Variants in PLXDC2 observed in about 807,000 individuals in gnomAD.
PLXDC2 encodes the protein plexin domain containing 2, also known as plexin domain-containing protein 2.
PLXDC2 carries 40 observed loss-of-function variants against 68.9 expected under a neutral mutation model. The ratio of observed to expected loss-of-function variants is 0.58; its 90% CI spans 0.45 to 0.76. The LOEUF (loss-of-function observed/expected upper bound fraction) is 0.76, where lower values mean the gene tolerates loss of function less well. PLXDC2 is among the 30% of genes least tolerant of loss of function. PLXDC2 has a pLI of 0.00. For missense variants in PLXDC2, 644 were observed against 661.9 expected, an observed-to-expected ratio of 0.97 and a Z score of 0.30; for synonymous variants, 243 against 234.2, an observed-to-expected ratio of 1.04 and a Z score of -0.34.
chr10:20,023,207 A>G (rs1233719342), intron 2 of PLXDC2, among the ~76,000 whole-genome samples: 2 of 151,696 alleles, frequency 1.3e-5, no homozygotes, highest in Non-Finnish European at 2.9e-5. Context: ...AAAAAGAAAT[A>G]AAACATGATA....
chr10:19,841,257 A>G (rs1433921205), intron 1 of PLXDC2, among the ~76,000 whole-genome samples: 4 of 152,150 alleles, frequency 2.6e-5, no homozygotes, highest in African/African-American at 9.7e-5. Flanking sequence ...GCACATTATG[A>G]TTAAAAAATC....
intron 9 of PLXDC2, among the ~76,000 whole-genome samples, chr10:20,179,726 G>C (rs112546677): frequency 0.026 from 3,976 of 152,170 alleles, 71 homozygotes; most frequent in South Asian, 0.075. Flanking sequence ...GTTGGAATCT[G>C]CTTCTACTGT....
chr10:20,168,596 A>T (rs1016264494), intron 7 of PLXDC2, among the ~76,000 whole-genome samples: 1 of 152,166 alleles, frequency 6.6e-6, no homozygotes, highest in African/African-American at 2.4e-5. Context: ...ATGTCTCGAA[A>T]TCACTGTTTT....
chr10:20,106,926 A>T (rs1833498778), intron 4 of PLXDC2, among the ~76,000 whole-genome samples: 1 of 151,462 alleles, frequency 6.6e-6, no homozygotes, highest in Non-Finnish European at 1.5e-5. Context: ...ATAAAGTAAC[A>T]GTAAAAGCTA....
intron 1 of PLXDC2, among the ~76,000 whole-genome samples, chr10:19,917,996 A>G (rs1833399537): frequency 1.3e-5 from 2 of 152,192 alleles, no homozygotes; most frequent in South Asian, 2.1e-4. Context: ...TGAATGAACT[A>G]CTGGAATATT....
chr10:20,244,747 T>A (rs1459562984), intron 12 of PLXDC2, among the ~76,000 whole-genome samples: 1 of 152,188 alleles, frequency 6.6e-6, no homozygotes, highest in Non-Finnish European at 1.5e-5. Context: ...ATTTAGTGTG[T>A]AGTTAATTAG....
chr10:19,974,690 C>T (rs764385445), intron 1 of PLXDC2, among the ~76,000 whole-genome samples: 18 of 152,266 alleles, frequency 1.2e-4, no homozygotes, highest in South Asian at 8.3e-4. Context: ...CACTTATAAA[C>T]GCTGTAAGGG....
intron 9 of PLXDC2, among the ~76,000 whole-genome samples, chr10:20,181,488 T>G (rs1262737358): frequency 6.6e-6 from 1 of 151,996 alleles, no homozygotes; most frequent in Non-Finnish European, 1.5e-5. Context: ...GAGCCAGTAG[T>G]TGTTCTTGAC....
At position 19,903,875 on chromosome 10, in the gene PLXDC2, G is replaced by C. The variant is rs189437694; in HGVS notation, c.112+86684G>C. Among the ~76,000 whole-genome samples, 104 of 151,842 alleles carry C rather than the reference G, an allele frequency of 6.8e-4. 1 individual carries two copies. The East Asian group carries it at 0.02, about 29-fold the overall frequency. On this transcript the variant is annotated intron_variant, in intron 1 of 13. Coordinates refer to ENST00000377252, the MANE Select transcript of PLXDC2 (RefSeq NM_032812.9). ...TTCTGTATCTCAGAGGTTTTGATAGGATGTGTCACTATTATCGTTCAGTTC... is the reference window on the plus strand; with the variant it reads ...TTCTGTATCTCAGAGGTTTTGATAGCATGTGTCACTATTATCGTTCAGTTC...
chr10:20,241,503 A>T (rs950800737), intron 12 of PLXDC2, among the ~76,000 whole-genome samples: 136 of 152,332 alleles, frequency 8.9e-4, no homozygotes, highest in African/African-American at 3.2e-3. Context: ...AAGTAAGGCT[A>T]AACCAGGTGC....
intron 5 of PLXDC2, 30 bp downstream of exon 5, chr10:20,143,447 C>T: frequency 6.2e-7 from 1 of 1,609,586 alleles, no homozygotes; most frequent in African/African-American, 1.3e-5. Flanking sequence ...TTTTTTGCTG[C>T]ATGTATATTT....
At chr10:20,254,831 A>G (rs1486315243) in intron 13 of PLXDC2, among the ~76,000 whole-genome samples, 1 of 152,144 alleles carries the variant, frequency 6.6e-6, no homozygotes, top group African/African-American at 2.4e-5. Context: ...CTGTTCTAAG[A>G]TGCTAGAATT....
intron 1 of PLXDC2, among the ~76,000 whole-genome samples, chr10:19,879,795 T>G (rs72783698): frequency 0.045 from 6,785 of 152,196 alleles, 192 homozygotes; most frequent in Middle Eastern, 0.12. Flanking sequence ...AGTGTAAGAT[T>G]GTGGCTGGTC....
At chr10:19,979,010 G>A (rs1834504009) in intron 1 of PLXDC2, among the ~76,000 whole-genome samples, 1 of 152,096 alleles carries the variant, frequency 6.6e-6, no homozygotes, top group Non-Finnish European at 1.5e-5. Context: ...TGTATGTTGT[G>A]GAGCAGGAAA....
chr10:20,068,766 T>C (rs1315618702), intron 4 of PLXDC2, among the ~76,000 whole-genome samples: 1 of 151,812 alleles, frequency 6.6e-6, no homozygotes, highest in Non-Finnish European at 1.5e-5. Flanking sequence ...AGTCTTCAAA[T>C]AAAGCTGAAA....
chr10:20,199,291 T>C (rs1834886386), intron 9 of PLXDC2, among the ~76,000 whole-genome samples: 1 of 151,892 alleles, frequency 6.6e-6, no homozygotes, highest in Non-Finnish European at 1.5e-5. Context: ...ATAATAAATA[T>C]CATTTTACAA....
intron 3 of PLXDC2, among the ~76,000 whole-genome samples, chr10:20,055,933 C>T (rs748698004): frequency 2.0e-5 from 3 of 152,064 alleles, no homozygotes; most frequent in Non-Finnish European, 2.9e-5. Flanking sequence ...TGGTCTTCAA[C>T]TTCCTAAGAA....
At chr10:20,142,595 T>C (rs1261446955) in intron 4 of PLXDC2, among the ~76,000 whole-genome samples, 4 of 152,014 alleles carry the variant, frequency 2.6e-5, no homozygotes, top group Admixed American at 2.6e-4. Context: ...CATAATAAAT[T>C]CCCTCTCATT....
intron 13 of PLXDC2, among the ~76,000 whole-genome samples, chr10:20,268,982 A>G (rs1450861824): frequency 1.3e-5 from 2 of 152,224 alleles, no homozygotes; most frequent in Non-Finnish European, 2.9e-5. Context: ...TGCTTAAAGC[A>G]TTATTAACAT....
Sources: gnomAD v4.1 joint callset for allele counts (sites outside exome capture counted in the v4.1 genomes callset) on GRCh38, gnomAD v4.1.1 for gene constraint, MANE v1.5 for transcripts, NCBI Gene and HGNC (gene_info 2026-07-23, HGNC 2026-07-21) for gene names.